CELF2: variants seen among roughly 807,000 people sequenced by gnomAD.
The protein encoded by CELF2 is CUG triplet repeat RNA-binding protein 2.
A neutral mutation model predicts 62.6 loss-of-function variants in CELF2; 8 were observed. That is an observed-to-expected ratio of 0.13 (90% CI 0.07 to 0.23). CELF2 has a LOEUF of 0.23. CELF2 is among the 10% of genes least tolerant of loss of function. The probability of loss-of-function intolerance (pLI) is 1.00; values close to 1 mark genes in which losing one functional copy is unlikely to be tolerated. For synonymous variants in CELF2, 258 were observed against 250.0 expected (o/e 1.03, Z -0.30); for missense variants, 333 against 671.0 (o/e 0.50, Z 5.56).
intron 1 of CELF2, among the ~76,000 whole-genome samples, chr10:11,126,411 G>C (rs941801371): frequency 6.6e-6 from 1 of 152,174 alleles, no homozygotes; most frequent in Non-Finnish European, 1.5e-5. Flanking sequence ...CTAGGAAGAA[G>C]AGAGGGGTTT....
chr10:11,040,909 CCAGCT>C (rs113441339), intron 1 of CELF2, among the ~76,000 whole-genome samples: 3 of 152,296 alleles, frequency 2.0e-5, no homozygotes, highest in African/African-American at 4.8e-5. Context: ...TGTTCTCTGG[CCAGCT>C]GCTGTTCTAT....
At chr10:11,322,104 G>T (rs549223913) in intron 11 of CELF2, among the ~76,000 whole-genome samples, 2 of 152,326 alleles carry the variant, frequency 1.3e-5, no homozygotes, top group Admixed American at 6.5e-5. Context: ...CTACTTGTTG[G>T]GGGAAGGGGA....
At chr10:10,777,260 A>G in the CELF2 span, among the ~76,000 whole-genome samples, 1 of 152,106 alleles carries the variant, frequency 6.6e-6, no homozygotes, top group Non-Finnish European at 1.5e-5. Flanking sequence ...GCTCTGTCCC[A>G]TGCTCTGGGC....
Position 10,893,337 on chromosome 10 carries a change from A to T in CELF2, c.54-26627A>T, listed in dbSNP as rs900692885. 2.0e-5 allele frequency among the ~76,000 whole-genome samples: 3 copies of T among 152,224 alleles called. No homozygotes were observed. In the East Asian group the frequency reaches 5.8e-4, roughly 29 times the overall value. On this transcript the variant is annotated intron_variant, in intron 1 of 13. Coordinates refer to the CELF2 transcript ENST00000636488. ...TAAGATTATGGAAGTGCCATGATACATGAGGCTTCCAACAGTTCCTTTGCC... is the reference window on the plus strand; with the variant it reads ...TAAGATTATGGAAGTGCCATGATACTTGAGGCTTCCAACAGTTCCTTTGCC...
chr10:10,859,681 C>T lies in CELF2; in HGVS notation c.54-60283C>T, dbSNP rs116222539. 9.1e-3 allele frequency among the ~76,000 whole-genome samples: 1,382 copies of T among 152,136 alleles called. 19 individuals carry two copies. The highest frequency in any genetic ancestry group is 0.031 in the African/African-American group (1,289 of 41,514). The stretch of plus-strand genomic sequence containing the variant: ...AAGAGTTTCGAATAAGTGGTTTATT[C>T]GAAGATCTAGCAGTCAGGCCACACA... On this transcript the variant is annotated intron_variant, in intron 1 of 13. Coordinates refer to the CELF2 transcript ENST00000636488.
At chr10:10,688,884 G>A in the CELF2 span, among the ~76,000 whole-genome samples, 1 of 151,944 alleles carries the variant, frequency 6.6e-6, no homozygotes, top group Admixed American at 6.6e-5. Context: ...GATGCCTGTA[G>A]TCCCAGCTAC....
intron 4 of CELF2, 38 bp downstream of exon 4, chr10:11,249,239 CT>C (rs1565543458): frequency 6.5e-7 from 1 of 1,535,396 alleles, no homozygotes; most frequent in Non-Finnish European, 9.0e-7. Flanking sequence ...ATAATAATAT[CT>C]GCTGCTTTAA....
chr10:11,174,048 A>G (rs1028671954), intron 2 of CELF2, among the ~76,000 whole-genome samples: 2 of 152,208 alleles, frequency 1.3e-5, no homozygotes, highest in South Asian at 2.1e-4. Flanking sequence ...TGAGTGATGT[A>G]TATTAGGTAT....
chr10:11,146,860 G>A (rs912299056), intron 1 of CELF2, among the ~76,000 whole-genome samples: 1 of 152,188 alleles, frequency 6.6e-6, no homozygotes. Flanking sequence ...CTGATAGCAC[G>A]GGTGAAAAGT....
chr10:10,927,679 T>G (rs979420845), intron 2 of CELF2, among the ~76,000 whole-genome samples: 4 of 152,160 alleles, frequency 2.6e-5, no homozygotes, highest in Admixed American at 2.6e-4. Context: ...CTCTCCCACC[T>G]TGGCCTCCTA....
chr10:11,127,788 G>A (rs530609837), intron 1 of CELF2, among the ~76,000 whole-genome samples: 1 of 152,248 alleles, frequency 6.6e-6, no homozygotes, highest in East Asian at 1.9e-4. Context: ...TTAGCCCTTT[G>A]TCAGATGAGT....
chr10:10,906,685 C>CCAGAACAT (rs1484019632), intron 1 of CELF2, among the ~76,000 whole-genome samples: 7 of 151,324 alleles, frequency 4.6e-5, no homozygotes, highest in African/African-American at 1.5e-4. Context: ...AGAGAACATA[C>CCAGAACAT]CAGAACATAC....
the CELF2 span, among the ~76,000 whole-genome samples, chr10:10,556,185 C>A: frequency 6.6e-6 from 1 of 152,092 alleles, no homozygotes; most frequent in Admixed American, 6.5e-5. Context: ...CTCCTCCCTC[C>A]CCCCACCACA....
At chr10:11,063,660 T>C (rs1356301968) in intron 1 of CELF2, among the ~76,000 whole-genome samples, 1 of 152,236 alleles carries the variant, frequency 6.6e-6, no homozygotes, top group Non-Finnish European at 1.5e-5. Flanking sequence ...GTGGCAGCTG[T>C]CTTTAAATAA....
At chr10:11,215,146 A>G (rs1031569910) in intron 2 of CELF2, among the ~76,000 whole-genome samples, 6 of 152,248 alleles carry the variant, frequency 3.9e-5, no homozygotes, top group African/African-American at 1.4e-4. Context: ...GTCATGTTTT[A>G]GTATGTAAAT....
Position 11,325,677 on chromosome 10 carries a change from T to C in CELF2, c.1295-159T>C, listed in dbSNP as rs1294473816. On this transcript the variant is annotated intron_variant, in intron 11 of 12. Coordinates refer to ENST00000633077, the MANE Select transcript of CELF2 (RefSeq NM_001326342.2). The stretch of plus-strand genomic sequence containing the variant: ...GAAATCAGGAAAATCTGAAGGATGA[T>C]TGCTTTCCTGAAAGGCACTCCAGCA... 9.9e-5 allele frequency among the ~76,000 whole-genome samples: 15 copies of C among 152,246 alleles called. No individual in the cohort carries two copies. The East Asian group carries it at 2.5e-3, about 25-fold the overall frequency.
intron 1 of CELF2, among the ~76,000 whole-genome samples, chr10:11,073,756 G>T (rs2477021): frequency 6.6e-6 from 1 of 151,904 alleles, no homozygotes; most frequent in Non-Finnish European, 1.5e-5. Context: ...TGGGGTGCTG[G>T]TAACATAAGG....
chr10:11,026,233 T>A (rs755158497), intron 1 of CELF2, among the ~76,000 whole-genome samples: 7 of 152,224 alleles, frequency 4.6e-5, no homozygotes, highest in Non-Finnish European at 8.8e-5. Flanking sequence ...CACCTGTTGC[T>A]GTTGAAAGGG....
chr10:10,820,181 CATGTGG>C (rs1351592983), intron 1 of CELF2, among the ~76,000 whole-genome samples: 1 of 152,220 alleles, frequency 6.6e-6, no homozygotes, highest in Non-Finnish European at 1.5e-5. Context: ...CCTCGCCAGC[CATGTGG>C]AACTCTAAGT....
Sources: allele counts gnomAD v4.1 joint callset (sites outside exome capture counted in the v4.1 genomes callset), GRCh38; gene constraint gnomAD v4.1.1; transcripts MANE v1.5; gene names NCBI Gene and HGNC (gene_info 2026-07-23, HGNC 2026-07-21).